MYMX: variants seen among roughly 807,000 people sequenced by gnomAD.
The protein encoded by MYMX is myomixer, myoblast fusion factor, also known as protein myomixer.
the MYMX span, among the ~76,000 whole-genome samples, chr6:44,193,542 G>T: frequency 6.6e-6 from 1 of 152,192 alleles, no homozygotes; most frequent in Non-Finnish European, 1.5e-5. Context: ...GGGCAGCATA[G>T]CTCCACAGTC....
At chr6:44,199,776 C>T in the MYMX span, among the ~76,000 whole-genome samples, 10 of 151,792 alleles carry the variant, frequency 6.6e-5, no homozygotes, top group Non-Finnish European at 1.5e-4. Flanking sequence ...CTCAATCTCC[C>T]GGGCTCAAGC....
chr6:44,195,405 G>A, the MYMX span, among the ~76,000 whole-genome samples: 6 of 152,194 alleles, frequency 3.9e-5, no homozygotes, highest in South Asian at 2.1e-4. Context: ...ATCTCTGCCC[G>A]TTCTCCCTGA....
rs1016789632 is a variant in MYMX, at chr6:44,217,594, C to T, written c.123C>T (p.Gly41=). The change falls in exon 2 of 2, where the codon GGC becomes GGT. Residue 41 remains glycine, a synonymous_variant. Coordinates refer to ENST00000573382, the MANE Select transcript of MYMX (RefSeq NM_001315494.2). ...TGCGCCGATTGGCCCGCCGCCTGGGCTCCCAGGACATGCGAGAGGCTTTGC... is the reference window on the plus strand; with the variant it reads ...TGCGCCGATTGGCCCGCCGCCTGGGTTCCCAGGACATGCGAGAGGCTTTGC... The part of the protein sequence containing the change: ...PLLRRLARRL[G]SQDMREALLG... 4 of 401,936 alleles carry T rather than the reference C, an allele frequency of 1.0e-5. No individual in the cohort carries two copies. The highest frequency in any genetic ancestry group is 1.8e-5 in the Non-Finnish European group (4 of 227,162). 24.9% of individuals were successfully genotyped at this position (401,936 alleles called of 1,614,324 possible).
At chr6:44,206,651 T>C in the MYMX span, among the ~76,000 whole-genome samples, 1 of 152,230 alleles carries the variant, frequency 6.6e-6, no homozygotes, top group Non-Finnish European at 1.5e-5. Context: ...TTCTGATCCC[T>C]TGCCTCCTGG....
At chr6:44,199,212 T>G in the MYMX span, among the ~76,000 whole-genome samples, 3 of 152,212 alleles carry the variant, frequency 2.0e-5, no homozygotes, top group Admixed American at 6.5e-5. Flanking sequence ...TTATTTATTT[T>G]AGAGACAGGA....
At chr6:44,193,942 C>A in the MYMX span, among the ~76,000 whole-genome samples, 6 of 152,146 alleles carry the variant, frequency 3.9e-5, no homozygotes, top group African/African-American at 1.4e-4. Flanking sequence ...TGAGATCGTG[C>A]CCTTGCACTC....
chr6:44,199,049 T>C, the MYMX span, among the ~76,000 whole-genome samples: 2 of 152,198 alleles, frequency 1.3e-5, no homozygotes, highest in Admixed American at 1.3e-4. Flanking sequence ...CCCCTACATG[T>C]TCTTGGATCT....
chr6:44,209,939 A>T, the MYMX span: 2 of 143,618 alleles, frequency 1.4e-5, no homozygotes, highest in Non-Finnish European at 3.0e-5. Context: ...ATATATATAT[A>T]TATTTTATTA....
At chr6:44,197,050 T>C in the MYMX span, among the ~76,000 whole-genome samples, 1 of 151,498 alleles carries the variant, frequency 6.6e-6, no homozygotes, top group African/African-American at 2.4e-5. Context: ...AGGTCAGGAG[T>C]TCAAGACTAG....
chr6:44,193,637 T>G, the MYMX span, among the ~76,000 whole-genome samples: 2 of 152,192 alleles, frequency 1.3e-5, no homozygotes, highest in East Asian at 3.8e-4. Context: ...CCTCTCCACC[T>G]AAAATGAATC....
At chr6:44,206,524 A>G in the MYMX span, among the ~76,000 whole-genome samples, 131,403 of 152,234 alleles carry the variant, frequency 0.86, 57,162 homozygotes, top group African/African-American at 0.96. Flanking sequence ...GAGCCACTGC[A>G]CCTGGCCTGT....
the MYMX span, among the ~76,000 whole-genome samples, chr6:44,211,788 T>TTTTTTGTGTGTGTGTGTG: frequency 5.5e-5 from 7 of 126,380 alleles, no homozygotes; most frequent in African/African-American, 1.9e-4. Context: ...CAGCTAGGTT[T>TTTTTTGTGTGTGTGTGTG]TGTGTGTGTG....
At chr6:44,195,560 G>C in the MYMX span, among the ~76,000 whole-genome samples, 1 of 152,004 alleles carries the variant, frequency 6.6e-6, no homozygotes, top group Non-Finnish European at 1.5e-5. Context: ...TCAACTTTCC[G>C]GGCTCAAGTG....
the MYMX span, among the ~76,000 whole-genome samples, chr6:44,193,661 G>A: frequency 6.6e-6 from 1 of 152,084 alleles, no homozygotes; most frequent in Non-Finnish European, 1.5e-5. Flanking sequence ...TCACACAGCC[G>A]CTCTCTTCTA....
At chr6:44,211,788 T>TTGTGTGTTTGTGTG in the MYMX span, among the ~76,000 whole-genome samples, 473 of 126,428 alleles carry the variant, frequency 3.7e-3, 10 homozygotes, top group African/African-American at 0.014. Flanking sequence ...CAGCTAGGTT[T>TTGTGTGTTTGTGTG]TGTGTGTGTG....
At chr6:44,216,048 G>A (rs1419167281), upstream of MYMX, among the ~76,000 whole-genome samples, 1 of 152,202 alleles carries the variant, frequency 6.6e-6, no homozygotes, top group African/African-American at 2.4e-5. Context: ...GCATCCAAGG[G>A]GGAATGCCAC....
the MYMX span, among the ~76,000 whole-genome samples, chr6:44,193,517 C>G: frequency 8.5e-5 from 13 of 152,194 alleles, no homozygotes; most frequent in Non-Finnish European, 1.6e-4. Flanking sequence ...AGTAGAGGAG[C>G]TGGGATTTGC....
chr6:44,204,944 G>T, the MYMX span, among the ~76,000 whole-genome samples: 1 of 152,158 alleles, frequency 6.6e-6, no homozygotes, highest in Admixed American at 6.6e-5. Context: ...CTCTTCTATA[G>T]TTGTAGAACC....
chr6:44,207,600 T>C, the MYMX span, among the ~76,000 whole-genome samples: 1 of 151,980 alleles, frequency 6.6e-6, no homozygotes, highest in Non-Finnish European at 1.5e-5. Context: ...TGGCATGGTC[T>C]CGGTTAACTG....
Sources: allele counts gnomAD v4.1 joint callset (sites outside exome capture counted in the v4.1 genomes callset), GRCh38; gene constraint gnomAD v4.1.1; transcripts MANE v1.5; gene names NCBI Gene and HGNC (gene_info 2026-07-23, HGNC 2026-07-21).